The following SYT7 variants were observed in gnomAD, a reference collection of about 807,000 sequenced individuals.
SYT7 encodes the protein synaptotagmin-7.
A neutral mutation model predicts 75.1 loss-of-function variants in SYT7; 29 were observed. The ratio of observed to expected loss-of-function variants is 0.39; its 90% CI spans 0.29 to 0.53. The LOEUF is 0.53. Ranked by LOEUF, SYT7 falls within the 20% of genes least tolerant of loss-of-function variation. The probability of loss-of-function intolerance (pLI) is 0.77; values close to 1 mark genes in which losing one functional copy is unlikely to be tolerated. For missense variants in SYT7, 693 were observed against 953.2 expected (o/e 0.73, Z 3.59); for synonymous variants, 376 against 401.7 (o/e 0.94, Z 0.76).
chr11:61,518,563 A>T lies in SYT7; in HGVS notation c.*64T>A, dbSNP rs1197378814. The T allele has an allele frequency of 1.2e-5, 15 of 1,235,314 alleles. No homozygotes were observed. The highest frequency in any genetic ancestry group is 6.7e-6 in the Non-Finnish European group (6 of 894,952). The allele number at this position is 1,235,314 out of a possible 1,614,324, so 76.5% of individuals were successfully genotyped here. A position where few individuals can be genotyped will look rare whatever the true frequency, so the allele number is the denominator to read the frequency against. ...AGGGGGCTCAGGCCGGGCGTTGTGC[A>T]TAAAGTGGTGAGGGCATGATGGGGA... is the stretch of plus-strand genomic sequence containing the variant. On this transcript the variant is annotated 3_prime_UTR_variant, in exon 13 of 13. Coordinates refer to ENST00000539008, the MANE Select transcript of SYT7 (RefSeq NM_001365809.2).
chr11:61,553,872 T>C lies in SYT7; in HGVS notation c.135+2232A>G, dbSNP rs1432462527. ...GCAGGCAAGGAGAGCCCAACAACTG[T>C]GTGTGTTGGGGGAGGGGACAGCGTT... On this transcript the variant is annotated intron_variant, in intron 2 of 12. Transcript: ENST00000539008. This position sits in a 1 kb window ranked among gnomAD's most constrained non-coding sequence, Gnocchi z 5.2. Among the ~76,000 whole-genome samples the C allele has an allele frequency of 6.6e-6, 1 of 151,890 alleles. No individual in the cohort carries two copies. The highest frequency in any genetic ancestry group is 2.4e-5 in the African/African-American group (1 of 41,318).
intron 1 of SYT7, among the ~76,000 whole-genome samples, chr11:61,568,365 A>G (rs2063831294): frequency 6.6e-6 from 1 of 152,252 alleles, no homozygotes; most frequent in Non-Finnish European, 1.5e-5. Context: ...GAGTCAAGGG[A>G]GTCAAGATAA....
chr11:61,529,320 T>C (rs1457104858), intron 8 of SYT7, among the ~76,000 whole-genome samples: 3 of 152,226 alleles, frequency 2.0e-5, no homozygotes, highest in Non-Finnish European at 4.4e-5. Flanking sequence ...TCTGAAAGAC[T>C]AAATAATACA....
chr11:61,529,045 C>T (rs2062620581), intron 8 of SYT7, among the ~76,000 whole-genome samples: 1 of 152,068 alleles, frequency 6.6e-6, no homozygotes, highest in East Asian at 1.9e-4. Flanking sequence ...TGTGAGCACA[C>T]CAGTAGTACC....
At position 61,546,858 on chromosome 11, in the gene SYT7, AC is replaced by A. The variant is rs2063206984; in HGVS notation, c.347+318del. On this transcript the variant is annotated intron_variant, in intron 4 of 12. Transcript: ENST00000539008. This position sits in a 1 kb window ranked among gnomAD's most constrained non-coding sequence, Gnocchi z 7.6. ...CGAGGGGGCGGGACCCAAACGGGCA[AC>A]CCCATCCTGACTGCACAGAAGGTGG... Among the ~76,000 whole-genome samples the A allele has an allele frequency of 6.6e-6, 1 of 151,486 alleles. No individual in the cohort carries two copies. Among genetic ancestry groups the A allele is most frequent in the Non-Finnish European group, 1.5e-5 (1 of 67,918 alleles).
intron 1 of SYT7, among the ~76,000 whole-genome samples, chr11:61,564,314 G>C (rs1276110262): frequency 6.6e-6 from 1 of 152,066 alleles, no homozygotes; most frequent in African/African-American, 2.4e-5. Flanking sequence ...TCCATCACCC[G>C]CAAGCCCTCC....
rs1212627479 is a variant in SYT7 at position 61,542,319 on chromosome 11, G to T, written c.833C>A (p.Ala278Asp). Residue 278 changes from alanine to aspartate, a missense_variant, in exon 6 of 13, where the codon GCC (alanine) becomes GAC (aspartate). By Grantham distance (126) the Ala-to-Asp change is moderately radical. Around this residue, in one of 2 missense-constraint regions of SYT7, gnomAD observed 487 missense variants for 593.2 expected, o/e 0.82. Transcript: ENST00000539008. This position sits in a 1 kb window ranked among gnomAD's most constrained non-coding sequence, Gnocchi z 7.8. ...CCCTGCCGCCCGGTACTTGGAGCCG[G>T]CCGAGGTGCCCTGCCGAGCCTGGCC... ...GRGQARQGTS[A>D]GSKYRAAGGR... 1 of 1,532,714 alleles carries T rather than the reference G, an allele frequency of 6.5e-7. No homozygotes were observed. Among genetic ancestry groups the T allele is most frequent in the Non-Finnish European group, 8.7e-7 (1 of 1,145,344 alleles). 94.9% of individuals were successfully genotyped at this position (1,532,714 alleles called of 1,614,324 possible).
Position 61,523,089 on chromosome 11 carries a change from C to A in SYT7, c.1942G>T (p.Asp648Tyr), listed in dbSNP as rs2062397625. 6.2e-7 allele frequency: 1 copy of A among 1,614,084 alleles called. No homozygotes were observed. Among genetic ancestry groups the A allele is most frequent in the African/African-American group, 1.3e-5 (1 of 74,930 alleles). The change falls in exon 12 of 13, where the codon GAC becomes TAC. Residue 648 changes from aspartate (D) to tyrosine (Y), a missense_variant. Asp to Tyr is a radical substitution (Grantham distance 160). This residue lies in a region of SYT7 where 206 missense variants were observed against 360.0 expected (regional missense o/e 0.57). Transcript: ENST00000539008. The surrounding 1 kb of genome is among the most constrained non-coding windows in gnomAD (Gnocchi z 5.0). The stretch of plus-strand genomic sequence containing the variant: ...CTCGCCCCTACCTTGCCGATGACGT[C>A]ATTGCGGCTGAGCTTGTCCTTGTCC... ...VMDKDKLSRN[D>Y]VIGKIYLSWK... is the part of the protein sequence containing the mutation.
intron 1 of SYT7, among the ~76,000 whole-genome samples, chr11:61,568,179 C>T (rs1278790793): frequency 2.0e-5 from 3 of 148,956 alleles, no homozygotes; most frequent in Admixed American, 6.6e-5. Context: ...CTGCAGCCCA[C>T]TCCTGTTCCC....
intron 2 of SYT7, among the ~76,000 whole-genome samples, chr11:61,554,683 C>T (rs1165745914): frequency 6.6e-6 from 1 of 152,164 alleles, no homozygotes; most frequent in Admixed American, 6.5e-5. Flanking sequence ...AGGACACTCA[C>T]ACACAGAGGC....
At chr11:61,529,958 T>C (rs1277220313) in intron 8 of SYT7, among the ~76,000 whole-genome samples, 1 of 152,162 alleles carries the variant, frequency 6.6e-6, no homozygotes, top group Non-Finnish European at 1.5e-5. Context: ...GTAACTATCT[T>C]AGACTGGCTG....
chr11:61,523,308 C>T lies in SYT7; in HGVS notation c.1757-34G>A, dbSNP rs778540141. ...GGGAGTGGGGAAGGGTTAGAGGGAC[C>T]GTGGGGGAGGGACTTCCTAGGATCC... is the stretch of plus-strand genomic sequence containing the variant. On this transcript the variant is annotated intron_variant, in intron 11 of 12. Transcript: ENST00000539008. This position sits in a 1 kb window ranked among gnomAD's most constrained non-coding sequence, Gnocchi z 5.0. 3.1e-5 allele frequency: 49 copies of T among 1,596,318 alleles called. No individual in the cohort carries two copies. Among genetic ancestry groups the T allele is most frequent in the Non-Finnish European group, 4.0e-5 (46 of 1,164,398 alleles).
At chr11:61,572,273 G>C (rs1291882743) in intron 1 of SYT7, among the ~76,000 whole-genome samples, 1 of 152,196 alleles carries the variant, frequency 6.6e-6, no homozygotes, top group African/African-American at 2.4e-5. Context: ...GGGTAGGAAG[G>C]AGACTCCCCT....
rs796490202 is a variant in SYT7 at position 61,547,648 on chromosome 11, G to A, written c.216-340C>T. Among the ~76,000 whole-genome samples the A allele has an allele frequency of 6.6e-5, 10 of 152,086 alleles. No individual in the cohort carries two copies. The South Asian group carries it at 2.1e-3, about 32-fold the overall frequency. ...GGTGGGAGAGAGAAAATGATGAGAG[G>A]AGGGGGACAGAGGGGAGAAGGGTTG... On this transcript the variant is annotated intron_variant, in intron 3 of 12. Transcript: ENST00000539008.
At chr11:61,571,603 G>A (rs2063922538) in intron 1 of SYT7, among the ~76,000 whole-genome samples, 2 of 152,212 alleles carry the variant, frequency 1.3e-5, no homozygotes, top group African/African-American at 2.4e-5. Flanking sequence ...CATCCACACT[G>A]CCTTCCTCAC....
intron 1 of SYT7, among the ~76,000 whole-genome samples, chr11:61,579,016 C>T (rs950786174): frequency 1.6e-4 from 24 of 152,222 alleles, no homozygotes; most frequent in East Asian, 5.8e-4. Flanking sequence ...AGCTGGCCTC[C>T]GTGGTGAGGG....
At chr11:61,570,682 C>T (rs960128245) in intron 1 of SYT7, among the ~76,000 whole-genome samples, 1 of 152,184 alleles carries the variant, frequency 6.6e-6, no homozygotes, top group African/African-American at 2.4e-5. Context: ...TTCCCAAGGT[C>T]CCAGAACAGC....
intron 2 of SYT7, among the ~76,000 whole-genome samples, chr11:61,555,254 C>G (rs1291669955): frequency 6.6e-6 from 1 of 152,248 alleles, no homozygotes; most frequent in Non-Finnish European, 1.5e-5. Context: ...CCTCCTTCAC[C>G]TGACTCCGCC....
rs1023611861 is a variant in SYT7, at chr11:61,515,385, T to G, written c.*3242A>C. 6.6e-6 allele frequency: 1 copy of G among 152,106 alleles called. No individual in the cohort carries two copies. 9.4% of individuals were successfully genotyped at this position (152,106 alleles called of 1,614,324 possible). On this transcript the variant is annotated 3_prime_UTR_variant, in exon 13 of 13. Transcript: ENST00000539008. ...AGCAGGGCCCATTCCCACAAAAATA[T>G]GATTTTGCAAAGAGGAAATCTTGCT...
Sources: gnomAD v4.1 joint callset for allele counts (sites outside exome capture counted in the v4.1 genomes callset) on GRCh38, gnomAD v4.1.1 for gene constraint, gnomAD v4.1.1 regional missense constraint, Gnocchi (gnomAD v3.1) non-coding constraint, MANE v1.5 for transcripts, NCBI Gene and HGNC (gene_info 2026-07-23, HGNC 2026-07-21) for gene names.